H6PD: variants seen among roughly 807,000 people sequenced by gnomAD.
H6PD encodes GDH/6PGL endoplasmic bifunctional protein.
H6PD carries 48 observed loss-of-function variants against 61.2 expected under a neutral mutation model. That is an observed-to-expected ratio of 0.78 (90% CI 0.62 to 1.00). The LOEUF is 1.00. Among genes scored for constraint, H6PD ranks in the 50% least tolerant of loss-of-function variants. The pLI is 0.00. For synonymous variants in H6PD, 480 were observed against 457.9 expected, an observed-to-expected ratio of 1.05 and a Z score of -0.62; for missense variants, 1,093 against 1,065.0, an observed-to-expected ratio of 1.03 and a Z score of -0.37.
rs902836606 is a variant in H6PD at position 9,263,858 on chromosome 1, G to A, written c.1365G>A (p.Arg455=). 1.1e-5 allele frequency: 17 copies of A among 1,613,930 alleles called. No individual in the cohort carries two copies. The highest frequency in any genetic ancestry group is 1.4e-5 in the Non-Finnish European group (17 of 1,180,036). ...DYYAYSPVRE[R]DAHSVLLSHI... ...ACGCCTACAGCCCTGTGCGGGAGCG[G>A]GACGCCCACTCCGTCCTCTTATCCC... The change falls in exon 5 of 5, where the codon CGG becomes CGA. Residue 455 remains arginine (R), a synonymous_variant. Coordinates refer to ENST00000377403, the MANE Select transcript of H6PD (RefSeq NM_004285.4).
chr1:9,257,127 C>T (rs1179621250), intron 3 of H6PD, among the ~76,000 whole-genome samples: 2 of 151,564 alleles, frequency 1.3e-5, no homozygotes, highest in African/African-American at 4.8e-5. Flanking sequence ...ACTTTATATC[C>T]TGTTTTCTTT....
chr1:9,267,152 C>G lies in H6PD; in HGVS notation c.*2283C>G, dbSNP rs2100417640. On this transcript the variant is annotated 3_prime_UTR_variant, in exon 5 of 5. Coordinates refer to ENST00000377403, the MANE Select transcript of H6PD (RefSeq NM_004285.4). The stretch of plus-strand genomic sequence containing the variant: ...CTGTTTTTACACCCAGAGAGCGCCC[C>G]TCGTTAGGACAGAACCACGGTGCCC... 6.6e-6 allele frequency: 1 copy of G among 152,440 alleles called. No individual in the cohort carries two copies. The highest frequency in any genetic ancestry group is 1.5e-5 in the Non-Finnish European group (1 of 68,142). 9.4% of individuals were successfully genotyped at this position (152,440 alleles called of 1,614,324 possible).
Position 9,245,143 on chromosome 1 carries a change from C to T in H6PD, c.209C>T (p.Pro70Leu), listed in dbSNP as rs1165969718. Residue 70 changes from proline (P) to leucine (L), a missense_variant, in exon 2 of 5, where the codon CCC becomes CTC. Transcript: ENST00000377403. This position sits in a 1 kb window ranked among gnomAD's most constrained non-coding sequence, Gnocchi z 4.8. ...FSFHGAALTA[P>L]KQGQELMAKA... is the part of the protein sequence containing the mutation. ...TTCCATGGAGCTGCTCTGACAGCCC[C>T]CAAGCAGGGTCAAGAGCTCATGGCC... 1.6e-5 allele frequency: 26 copies of T among 1,614,104 alleles called. No homozygotes were observed. Among genetic ancestry groups the T allele is most frequent in the Non-Finnish European group, 1.9e-5 (23 of 1,180,040 alleles).
At chr1:9,240,737 C>G (rs947539568) in intron 1 of H6PD, among the ~76,000 whole-genome samples, 4 of 152,228 alleles carry the variant, frequency 2.6e-5, no homozygotes, top group African/African-American at 9.6e-5. Flanking sequence ...CTTCCATGCT[C>G]TTTGGCTAAC....
chr1:9,251,082 G>C (rs1029120762), intron 3 of H6PD, among the ~76,000 whole-genome samples: 2 of 152,162 alleles, frequency 1.3e-5, no homozygotes, highest in Non-Finnish European at 2.9e-5. Flanking sequence ...CAGCCCCCCT[G>C]GGTACCCTGG....
rs1638577265 is a variant in H6PD, at chr1:9,266,895, A to C, written c.*2026A>C. On this transcript the variant is annotated 3_prime_UTR_variant, in exon 5 of 5. Transcript: ENST00000377403. ...GAGCCCAGTGGCGAGATCTTGGCTC[A>C]CTACAACCTCCACCTCCCGGGTTCA... 1 of 151,596 alleles carries C rather than the reference A, an allele frequency of 6.6e-6. No individual in the cohort carries two copies. Among genetic ancestry groups the C allele is most frequent in the Admixed American group, 6.6e-5 (1 of 15,208 alleles). The allele number at this position is 151,596 out of a possible 1,614,324, so 9.4% of individuals were successfully genotyped here.
intron 3 of H6PD, among the ~76,000 whole-genome samples, chr1:9,255,789 G>A (rs772406266): frequency 7.9e-5 from 12 of 152,102 alleles, no homozygotes; most frequent in Admixed American, 4.6e-4. Context: ...CATCCTTTTC[G>A]CTTTTGCTGG....
Position 9,243,905 on chromosome 1 carries a change from G to A in H6PD, c.-10-1020G>A, listed in dbSNP as rs542493864. The stretch of plus-strand genomic sequence containing the variant: ...AGGGGGGGTCTGACGTCAGGGTCAA[G>A]AGGCAGATTTGGTCCCCTCTATAGC... On this transcript the variant is annotated intron_variant, in intron 1 of 4. Transcript: ENST00000377403. 8.5e-5 allele frequency among the ~76,000 whole-genome samples: 13 copies of A among 152,224 alleles called. No individual in the cohort carries two copies. In the South Asian group the frequency reaches 2.7e-3, roughly 32 times the overall value.
rs1638421786 is a variant in H6PD, at chr1:9,263,692, T to C, written c.1199T>C (p.Phe400Ser). ...CAGTGCCTGCCCCGGCAGCTCGTCT[T>C]CCACATCGGCCATGGCGACCTGGGC... ...QSQCLPRQLVFHIGHGDLGSP... is the reference protein window; with the variant it reads ...QSQCLPRQLVSHIGHGDLGSP... The change falls in exon 5 of 5, where the codon TTC (phenylalanine) becomes TCC (serine). Residue 400 changes from phenylalanine to serine, a missense_variant. Phe to Ser is a radical substitution (Grantham distance 155). Transcript: ENST00000377403. The C allele has an allele frequency of 3.1e-6, 5 of 1,614,026 alleles. No homozygotes were observed. In the East Asian group the frequency reaches 1.1e-4, roughly 36 times the overall value.
chr1:9,263,588 A>C lies in H6PD; in HGVS notation c.1095A>C (p.Arg365Ser). The C allele has an allele frequency of 6.2e-7, 1 of 1,614,134 alleles. No individual in the cohort carries two copies. Among genetic ancestry groups the C allele is most frequent in the Non-Finnish European group, 8.5e-7 (1 of 1,180,000 alleles). Residue 365 changes from arginine to serine, a missense_variant, in exon 5 of 5, where the codon AGA (arginine) becomes AGC (serine). Transcript: ENST00000377403. ...TGTCTGGCAAAGCCTTGGACGAGAG[A>C]GTGGGCTACGCTCGGATCTTGTTCA... ...ILMSGKALDE[R>S]VGYARILFKN...
In H6PD at chr1:9,245,349, A is replaced by C; in HGVS notation, c.415A>C (p.Ile139Leu). Residue 139 changes from isoleucine to leucine, a missense_variant, in exon 2 of 5, where the codon ATC (isoleucine) becomes CTC (leucine). Ile to Leu is a conservative substitution (Grantham distance 5). Coordinates refer to ENST00000377403, the MANE Select transcript of H6PD (RefSeq NM_004285.4). This position sits in a 1 kb window ranked among gnomAD's most constrained non-coding sequence, Gnocchi z 4.8. ...QHAGLREAGR[I>L]FYFSVPPFAY... Reference sequence around the variant, plus strand: ...CGCAGGCCTCCGGGAGGCTGGCAGGATCTTCTACTTCTCAGTGCCACCCTT... The same window carrying C: ...CGCAGGCCTCCGGGAGGCTGGCAGGCTCTTCTACTTCTCAGTGCCACCCTT... The C allele has an allele frequency of 6.2e-7, 1 of 1,614,092 alleles. No homozygotes were observed. The highest frequency in any genetic ancestry group is 8.5e-7 in the Non-Finnish European group (1 of 1,179,960).
chr1:9,248,751 T>A (rs1351009842), intron 3 of H6PD, among the ~76,000 whole-genome samples: 1 of 152,182 alleles, frequency 6.6e-6, no homozygotes, highest in Non-Finnish European at 1.5e-5. Context: ...AGGACATTGC[T>A]GGGTTCGAGA....
chr1:9,259,736 A>T (rs1291331479), intron 3 of H6PD, among the ~76,000 whole-genome samples: 1 of 148,810 alleles, frequency 6.7e-6, no homozygotes, highest in Non-Finnish European at 1.5e-5. Context: ...TTGTTGTTAC[A>T]CCGGTGTTAT....
chr1:9,264,814 T>C lies in H6PD; in HGVS notation c.2321T>C (p.Leu774Pro). ...AAGAAGTGGCCCATCTCGGGTGTCC[T>C]GCCGCACTCCGGCCAGCTGGTGTGG... ...EPKKWPISGVLPHSGQLVWYM... is the reference protein window; with the variant it reads ...EPKKWPISGVPPHSGQLVWYM... Residue 774 changes from leucine to proline, a missense_variant, in exon 5 of 5, where the codon CTG (leucine) becomes CCG (proline). Transcript: ENST00000377403. 1 of 1,612,848 alleles carries C rather than the reference T, an allele frequency of 6.2e-7. No individual in the cohort carries two copies. The highest frequency in any genetic ancestry group is 8.5e-7 in the Non-Finnish European group (1 of 1,180,024).
In H6PD at chr1:9,264,733, TG is replaced by T. The variant is rs747189108; in HGVS notation, c.2243del (p.Gly748AlafsTer3). On this transcript the variant is annotated frameshift_variant, in exon 5 of 5. Transcript: ENST00000377403. LOFTEE classifies it high-confidence loss of function. ...NRAKKVAVLVMGRMKREITTL... is the reference protein window; with the variant it reads ...NRAKKVAVLVXGRMKREITTL... Reference sequence around the variant, plus strand: ...GCCAAGAAGGTGGCAGTCCTGGTCATGGGCAGGATGAAGCGTGAGATCACCA... The same window carrying T: ...GCCAAGAAGGTGGCAGTCCTGGTCATGGCAGGATGAAGCGTGAGATCACCA... 1.2e-6 allele frequency: 2 copies of T among 1,613,246 alleles called. No homozygotes were observed. Among genetic ancestry groups the T allele is most frequent in the Non-Finnish European group, 1.7e-6 (2 of 1,180,002 alleles).
Position 9,263,541 on chromosome 1 carries a change from G to A in H6PD, c.1048G>A (p.Glu350Lys). ...VLVHIDNLRW[E>K]GVPFILMSGK... ...AGTGCACATTGACAACCTTCGCTGG[G>A]AGGGCGTGCCTTTCATCCTGATGTC... Residue 350 changes from glutamate to lysine, a missense_variant, in exon 5 of 5, where the codon GAG (glutamate) becomes AAG (lysine). Transcript: ENST00000377403. 6.2e-7 allele frequency: 1 copy of A among 1,614,222 alleles called. No homozygotes were observed. Among genetic ancestry groups the A allele is most frequent in the Non-Finnish European group, 8.5e-7 (1 of 1,180,028 alleles).
intron 3 of H6PD, among the ~76,000 whole-genome samples, chr1:9,249,831 G>A (rs947569004): frequency 6.6e-6 from 1 of 152,210 alleles, no homozygotes; most frequent in African/African-American, 2.4e-5. Context: ...TTGATAGCTC[G>A]TAGCAGGGAG....
rs765982582 is a variant in H6PD, at chr1:9,245,241, C to G, written c.307C>G (p.Leu103Val). The G allele has an allele frequency of 1.9e-6, 3 of 1,614,126 alleles. No individual in the cohort carries two copies. Among genetic ancestry groups the G allele is most frequent in the Non-Finnish European group, 2.5e-6 (3 of 1,180,060 alleles). Residue 103 changes from leucine (L) to valine (V), a missense_variant, in exon 2 of 5, where the codon CTG becomes GTG. By Grantham distance (32) the Leu-to-Val change is conservative. Coordinates refer to ENST00000377403, the MANE Select transcript of H6PD (RefSeq NM_004285.4). This position sits in a 1 kb window ranked among gnomAD's most constrained non-coding sequence, Gnocchi z 4.8. ...CTGTGCAGAGCACAAGGATCAGTTC[C>G]TGCAGCTGAGCCAGTACCGCCAACT... is the stretch of plus-strand genomic sequence containing the variant. ...SHCAEHKDQF[L>V]QLSQYRQLKT... is the part of the protein sequence containing the mutation.
chr1:9,262,427 G>T (rs1638352502), intron 4 of H6PD, 99 bp downstream of exon 4: 2 of 1,152,734 alleles, frequency 1.7e-6, no homozygotes, highest in Non-Finnish European at 1.2e-6. Context: ...GGGGACTTGA[G>T]GTGGGATTTC....
Sources: gnomAD v4.1 joint callset for allele counts (sites outside exome capture counted in the v4.1 genomes callset) on GRCh38, gnomAD v4.1.1 for gene constraint, Gnocchi (gnomAD v3.1) non-coding constraint, MANE v1.5 for transcripts, NCBI Gene and HGNC (gene_info 2026-07-23, HGNC 2026-07-21) for gene names.